The following IQSEC1 variants were observed in gnomAD, a reference collection of about 807,000 sequenced individuals.
IQSEC1 encodes the protein IQ motif and SEC7 domain-containing protein 1.
A neutral mutation model predicts 91.0 loss-of-function variants in IQSEC1; 31 were observed. The observed-to-expected ratio is 0.34, with a 90% CI of 0.26 to 0.46. The LOEUF is 0.46. Ranked by LOEUF, IQSEC1 falls within the 20% of genes least tolerant of loss-of-function variation. The pLI, the probability that IQSEC1 is intolerant of heterozygous loss-of-function variation, is 1.00. For missense variants in IQSEC1, 1,388 were observed against 1,575.6 expected (o/e 0.88, Z 2.02); for synonymous variants, 699 against 662.6 (o/e 1.05, Z -0.84).
At chr3:13,023,667 G>A (rs980151988) in intron 1 of IQSEC1, among the ~76,000 whole-genome samples, 1 of 152,212 alleles carries the variant, frequency 6.6e-6, no homozygotes, top group African/African-American at 2.4e-5. Flanking sequence ...ATCTGTCTCA[G>A]ATTCCAGCCT....
intron 1 of IQSEC1, among the ~76,000 whole-genome samples, chr3:13,178,476 T>G (rs1343629686): frequency 6.6e-6 from 1 of 152,166 alleles, no homozygotes; most frequent in Non-Finnish European, 1.5e-5. Flanking sequence ...CCACAGAAAG[T>G]TATTTTGCTC....
At chr3:12,932,838 G>A (rs1433120475) in intron 3 of IQSEC1, among the ~76,000 whole-genome samples, 1 of 152,252 alleles carries the variant, frequency 6.6e-6, no homozygotes, top group Non-Finnish European at 1.5e-5. Flanking sequence ...GTGGCTGTCA[G>A]CTGGGCCAGC....
At chr3:13,192,257 G>GA (rs1694048396) in intron 1 of IQSEC1, among the ~76,000 whole-genome samples, 1 of 151,524 alleles carries the variant, frequency 6.6e-6, no homozygotes, top group African/African-American at 2.4e-5. Flanking sequence ...AAAATGGCGT[G>GA]ACCCCGGGAG....
chr3:12,937,282 G>A (rs151039555), intron 2 of IQSEC1, among the ~76,000 whole-genome samples: 1 of 152,186 alleles, frequency 6.6e-6, no homozygotes, highest in African/African-American at 2.4e-5. Context: ...TGTCCCCAGT[G>A]TCTTGGGTCA....
intron 1 of IQSEC1, among the ~76,000 whole-genome samples, chr3:13,012,043 G>A (rs1446156929): frequency 1.3e-5 from 2 of 152,198 alleles, no homozygotes; most frequent in Admixed American, 1.3e-4. Flanking sequence ...GCTGCGGAGT[G>A]GCCAGAATGA....
At chr3:12,944,892 C>A (rs1326015240) in intron 1 of IQSEC1, among the ~76,000 whole-genome samples, 1 of 152,204 alleles carries the variant, frequency 6.6e-6, no homozygotes, top group Non-Finnish European at 1.5e-5. Flanking sequence ...TGCCCCCGAC[C>A]CAGGATGGAG....
At chr3:13,074,593 G>A (rs1705532133), upstream of IQSEC1, among the ~76,000 whole-genome samples, 2 of 152,174 alleles carry the variant, frequency 1.3e-5, no homozygotes, top group African/African-American at 2.4e-5. Flanking sequence ...ACGGGGGAGC[G>A]CATTAAAGCC....
intron 2 of IQSEC1, among the ~76,000 whole-genome samples, chr3:13,140,931 C>A (rs1014032116): frequency 2.6e-5 from 4 of 152,168 alleles, no homozygotes; most frequent in African/African-American, 9.7e-5. Flanking sequence ...CGCCTGTGCC[C>A]CTCTCACTTG....
rs1241478480 is a variant in IQSEC1 at position 12,967,699 on chromosome 3, G to C, written c.24-25834C>G. 8.8e-7 allele frequency: 1 copy of C among 1,139,878 alleles called. No individual in the cohort carries two copies. The highest frequency in any genetic ancestry group is 1.6e-5 in the African/African-American group (1 of 61,008). 70.6% of individuals were successfully genotyped at this position (1,139,878 alleles called of 1,614,324 possible). A position where few individuals can be genotyped will look rare whatever the true frequency, so the allele number is the denominator to read the frequency against. On this transcript the variant is annotated intron_variant, in intron 1 of 13. Transcript: ENST00000613206. The surrounding 1 kb of genome is among the most constrained non-coding windows in gnomAD (Gnocchi z 5.9). ...CGCCGCCGCCCGCTTGGCGCAGCGC[G>C]AGGCCGGGCCGGAGGAATGTGGCCC... is the stretch of plus-strand genomic sequence containing the variant.
intron 1 of IQSEC1, among the ~76,000 whole-genome samples, chr3:13,190,530 T>C (rs1694003545): frequency 6.8e-6 from 1 of 146,094 alleles, no homozygotes; most frequent in Non-Finnish European, 1.5e-5. Context: ...TACTCCAGCC[T>C]GGGTGACAGA....
Position 12,899,250 on chromosome 3 carries a change from C to T in IQSEC1, c.*1733G>A. ...CAGCCAGAGGGGGCTCCCCTCTCCT[C>T]CTGCCGTCCGGCCACGGCTCACCAC... On this transcript the variant is annotated 3_prime_UTR_variant, in exon 14 of 14. Coordinates refer to ENST00000613206, the MANE Select transcript of IQSEC1 (RefSeq NM_001134382.3). The T allele has an allele frequency of 2.1e-6, 2 of 941,220 alleles. No individual in the cohort carries two copies. The highest frequency in any genetic ancestry group is 2.6e-5 in the Admixed American group (1 of 37,840). 58.3% of individuals were successfully genotyped at this position (941,220 alleles called of 1,614,324 possible).
At chr3:13,080,738 G>C (rs944610239) in intron 2 of IQSEC1, among the ~76,000 whole-genome samples, 1 of 152,162 alleles carries the variant, frequency 6.6e-6, no homozygotes, top group African/African-American at 2.4e-5. Context: ...CTCAGCCTCA[G>C]CCTGGGAACT....
intron 2 of IQSEC1, among the ~76,000 whole-genome samples, chr3:13,086,759 G>A (rs746642976): frequency 1.8e-4 from 27 of 152,302 alleles, no homozygotes; most frequent in Non-Finnish European, 3.1e-4. Context: ...TCACCTGCAA[G>A]GGAGGCCTTC....
In IQSEC1 at chr3:12,979,065, G is replaced by C. The variant is rs1353789070; in HGVS notation, c.24-37200C>G. Reference sequence around the variant, plus strand: ...GTGGACCGAGCAGGAGCTTCATCCTGTGAGGGTGTAAGCAGGAGTGGGAGT... The same window carrying C: ...GTGGACCGAGCAGGAGCTTCATCCTCTGAGGGTGTAAGCAGGAGTGGGAGT... On this transcript the variant is annotated intron_variant, in intron 1 of 13. Coordinates refer to ENST00000613206, the MANE Select transcript of IQSEC1 (RefSeq NM_001134382.3). The surrounding 1 kb of genome is among the most constrained non-coding windows in gnomAD (Gnocchi z 4.3). Among the ~76,000 whole-genome samples the C allele has an allele frequency of 1.3e-5, 2 of 152,216 alleles. No homozygotes were observed. Among genetic ancestry groups the C allele is most frequent in the Non-Finnish European group, 2.9e-5 (2 of 68,036 alleles).
chr3:13,136,452 T>A (rs1250267014), intron 2 of IQSEC1, among the ~76,000 whole-genome samples: 1 of 152,074 alleles, frequency 6.6e-6, no homozygotes, highest in African/African-American at 2.4e-5. Flanking sequence ...TACAGTGAAA[T>A]GAGCATTCCT....
chr3:12,907,935 CCAGA>C (rs1695155232), intron 12 of IQSEC1, among the ~76,000 whole-genome samples: 1 of 152,088 alleles, frequency 6.6e-6, no homozygotes, highest in Admixed American at 6.5e-5. Flanking sequence ...CAAGGGGGCG[CCAGA>C]CAGATTAGAG....
At chr3:13,189,660 G>A (rs369629113) in intron 1 of IQSEC1, among the ~76,000 whole-genome samples, 15 of 152,142 alleles carry the variant, frequency 9.9e-5, no homozygotes, top group African/African-American at 3.1e-4. Context: ...CTGGCCCAGT[G>A]CCCCCAGCCC....
chr3:13,124,951 T>C lies in IQSEC1; in HGVS notation c.302+39153A>G, dbSNP rs115910352. 5.5e-3 allele frequency among the ~76,000 whole-genome samples: 831 copies of C among 152,280 alleles called. 14 individuals carry two copies. Among genetic ancestry groups the C allele is most frequent in the African/African-American group, 0.019 (795 of 41,554 alleles). ...CACCATCCTGGCCTGGCCACCGTCA[T>C]GTTTGGCCAGGGCATCAGGGAGGCC... On this transcript the variant is annotated intron_variant, in intron 2 of 15. Coordinates refer to the IQSEC1 transcript ENST00000648114.
chr3:13,015,239 G>T (rs923515122), intron 1 of IQSEC1, among the ~76,000 whole-genome samples: 1 of 152,172 alleles, frequency 6.6e-6, no homozygotes, highest in East Asian at 1.9e-4. Context: ...TGTGAGGGCC[G>T]TAGGCAGCGA....
Sources: gnomAD v4.1 joint callset for allele counts (sites outside exome capture counted in the v4.1 genomes callset) on GRCh38, gnomAD v4.1.1 for gene constraint, Gnocchi (gnomAD v3.1) non-coding constraint, MANE v1.5 for transcripts, NCBI Gene and HGNC (gene_info 2026-07-23, HGNC 2026-07-21) for gene names.